TMEM132D: variants seen among roughly 807,000 people sequenced by gnomAD.
TMEM132D encodes transmembrane protein 132D.
In TMEM132D, 21 loss-of-function variants were observed where a neutral mutation model predicts 62.3. The observed-to-expected ratio is 0.34, with a 90% CI of 0.24 to 0.49. The LOEUF is 0.49. Among genes scored for constraint, TMEM132D ranks in the 20% least tolerant of loss-of-function variants. The pLI is 0.99. For missense variants in TMEM132D, 1,346 were observed against 1,402.8 expected, an observed-to-expected ratio of 0.96 and a Z score of 0.65; for synonymous variants, 621 against 575.6, an observed-to-expected ratio of 1.08 and a Z score of -1.13.
intron 3 of TMEM132D, among the ~76,000 whole-genome samples, chr12:129,438,702 G>A (rs936869798): frequency 6.6e-6 from 1 of 152,244 alleles, no homozygotes; most frequent in Middle Eastern, 3.4e-3. Context: ...CTGTATAAGC[G>A]ACTGCATCAT....
chr12:129,688,918 T>C (rs886871047), intron 2 of TMEM132D, among the ~76,000 whole-genome samples: 1 of 152,214 alleles, frequency 6.6e-6, no homozygotes, highest in African/African-American at 2.4e-5. Flanking sequence ...ACAACCATAA[T>C]CTAGTCCAGG....
At chr12:129,294,275 C>T (rs753869147) in intron 4 of TMEM132D, among the ~76,000 whole-genome samples, 3 of 152,118 alleles carry the variant, frequency 2.0e-5, no homozygotes, top group Admixed American at 6.5e-5. Context: ...TGTCTGTCCC[C>T]TAATCTGTAA....
intron 3 of TMEM132D, among the ~76,000 whole-genome samples, chr12:129,374,698 C>T (rs1453151085): frequency 4.6e-5 from 7 of 152,160 alleles, no homozygotes; most frequent in Non-Finnish European, 1.0e-4. Flanking sequence ...TGAGGCCTTC[C>T]ACGTGGCCAG....
At chr12:129,859,074 G>T (rs941369522) in intron 1 of TMEM132D, among the ~76,000 whole-genome samples, 1 of 152,122 alleles carries the variant, frequency 6.6e-6, no homozygotes, top group African/African-American at 2.4e-5. Flanking sequence ...CCGGGGGAAC[G>T]GGATGGGTGC....
intron 1 of TMEM132D, among the ~76,000 whole-genome samples, chr12:129,851,643 A>G (rs1873546147): frequency 6.6e-6 from 1 of 152,212 alleles, no homozygotes; most frequent in Non-Finnish European, 1.5e-5. Context: ...TGATGTGTGC[A>G]CCCATGTTCA....
intron 4 of TMEM132D, among the ~76,000 whole-genome samples, chr12:129,276,578 T>C (rs574352113): frequency 6.6e-6 from 1 of 152,328 alleles, no homozygotes; most frequent in African/African-American, 2.4e-5. Flanking sequence ...AGGCGTGTGA[T>C]ACATTTATCA....
At chr12:129,590,414 C>T (rs1354794490) in intron 2 of TMEM132D, among the ~76,000 whole-genome samples, 1 of 152,218 alleles carries the variant, frequency 6.6e-6, no homozygotes, top group Non-Finnish European at 1.5e-5. Flanking sequence ...TCCAATTACC[C>T]ACTTTTCATA....
intron 2 of TMEM132D, among the ~76,000 whole-genome samples, chr12:129,549,174 C>G (rs138516574): frequency 1.3e-5 from 2 of 151,070 alleles, no homozygotes; most frequent in African/African-American, 2.4e-5. Context: ...CTACTGTTCT[C>G]GTGGTAGTGA....
At chr12:129,417,954 C>A (rs1872180447) in intron 3 of TMEM132D, among the ~76,000 whole-genome samples, 1 of 152,230 alleles carries the variant, frequency 6.6e-6, no homozygotes, top group Non-Finnish European at 1.5e-5. Flanking sequence ...AAAAAAAGCT[C>A]ATCGTCACTG....
At chr12:129,821,786 A>T (rs1021484426) in intron 1 of TMEM132D, among the ~76,000 whole-genome samples, 3 of 152,146 alleles carry the variant, frequency 2.0e-5, no homozygotes, top group Non-Finnish European at 4.4e-5. Flanking sequence ...AAGGGCAAGA[A>T]CTTGCATTTC....
chr12:129,272,180 T>C (rs1880871579), intron 4 of TMEM132D, among the ~76,000 whole-genome samples: 1 of 151,858 alleles, frequency 6.6e-6, no homozygotes, highest in African/African-American at 2.4e-5. Context: ...ATTCCAAGTG[T>C]GGTTTTAGGA....
At chr12:129,581,782 C>T (rs528878507) in intron 2 of TMEM132D, among the ~76,000 whole-genome samples, 2 of 152,202 alleles carry the variant, frequency 1.3e-5, no homozygotes, top group Non-Finnish European at 2.9e-5. Context: ...CCCTCACAGA[C>T]ACACCCAGGG....
intron 1 of TMEM132D, among the ~76,000 whole-genome samples, chr12:129,900,254 C>A (rs1350599471): frequency 6.6e-6 from 1 of 152,174 alleles, no homozygotes; most frequent in Admixed American, 6.5e-5. Context: ...CACACACAGA[C>A]AATGCAAAGT....
chr12:129,586,465 A>C (rs1878033158), intron 2 of TMEM132D, among the ~76,000 whole-genome samples: 1 of 152,170 alleles, frequency 6.6e-6, no homozygotes, highest in African/African-American at 2.4e-5. Flanking sequence ...TACAAACAAC[A>C]GAGATTGACT....
intron 3 of TMEM132D, among the ~76,000 whole-genome samples, chr12:129,447,387 G>A (rs996499470): frequency 6.6e-6 from 1 of 152,142 alleles, no homozygotes; most frequent in Non-Finnish European, 1.5e-5. Context: ...CTACTGTTAA[G>A]TGAAAACTGG....
chr12:129,780,229 T>C (rs1156599921), intron 1 of TMEM132D, among the ~76,000 whole-genome samples: 1 of 149,620 alleles, frequency 6.7e-6, no homozygotes, highest in African/African-American at 2.5e-5. Context: ...CGCTGTGTGC[T>C]GGGCACTGTG....
intron 1 of TMEM132D, among the ~76,000 whole-genome samples, chr12:129,895,932 C>A: frequency 6.8e-6 from 1 of 146,614 alleles, no homozygotes. Flanking sequence ...CTTTTGAAAT[C>A]AAAAGTCAGG....
Position 129,371,041 on chromosome 12 carries a change from T to C in TMEM132D, c.1116-33224A>G, listed in dbSNP as rs974739745. On this transcript the variant is annotated intron_variant, in intron 3 of 8. Transcript: ENST00000422113. The surrounding 1 kb of genome is among the most constrained non-coding windows in gnomAD (Gnocchi z 4.3). ...AGCCATAGGAGAAGAATTGTAACAT[T>C]CTCAACACAAAAAACAGATAAATAT... Among the ~76,000 whole-genome samples the C allele has an allele frequency of 3.3e-5, 5 of 152,182 alleles. No homozygotes were observed. Among genetic ancestry groups the C allele is most frequent in the African/African-American group, 1.2e-4 (5 of 41,438 alleles).
intron 2 of TMEM132D, among the ~76,000 whole-genome samples, chr12:129,630,996 G>A (rs760561393): frequency 1.4e-4 from 21 of 151,980 alleles, no homozygotes; most frequent in Non-Finnish European, 1.3e-4. Flanking sequence ...GGAATCAATC[G>A]GAATGCCCAT....
Sources: allele counts gnomAD v4.1 joint callset (sites outside exome capture counted in the v4.1 genomes callset), GRCh38; gene constraint gnomAD v4.1.1; non-coding constraint Gnocchi (gnomAD v3.1); transcripts MANE v1.5; gene names NCBI Gene and HGNC (gene_info 2026-07-23, HGNC 2026-07-21).